Variants in VEPH1 observed in about 807,000 individuals in gnomAD.
The protein encoded by VEPH1 is ventricular zone expressed PH domain containing 1.
A neutral mutation model predicts 85.2 loss-of-function variants in VEPH1; 80 were observed. The ratio of observed to expected loss-of-function variants is 0.94; its 90% CI spans 0.78 to 1.13. The LOEUF (loss-of-function observed/expected upper bound fraction) is 1.13, where lower values mean the gene tolerates loss of function less well. Among genes scored for constraint, VEPH1 ranks in the 50% most tolerant of loss-of-function variants. The pLI is 0.00. For synonymous variants in VEPH1, 297 were observed against 348.0 expected, an observed-to-expected ratio of 0.85 and a Z score of 1.63; for missense variants, 955 against 980.5, an observed-to-expected ratio of 0.97 and a Z score of 0.35.
At chr3:157,379,474 A>G (rs983559171) in intron 7 of VEPH1, among the ~76,000 whole-genome samples, 1 of 152,212 alleles carries the variant, frequency 6.6e-6, no homozygotes, top group African/African-American at 2.4e-5. Context: ...GCTGCTGGTC[A>G]GTACATCCCT....
intron 9 of VEPH1, among the ~76,000 whole-genome samples, chr3:157,325,046 T>C (rs1721746999): frequency 6.6e-6 from 1 of 151,550 alleles, no homozygotes; most frequent in Admixed American, 6.6e-5. Flanking sequence ...TTGTGTGAGA[T>C]GGTATCTAAC....
At chr3:157,393,862 T>C (rs183557313) in intron 6 of VEPH1, among the ~76,000 whole-genome samples, 21 of 152,322 alleles carry the variant, frequency 1.4e-4, no homozygotes, top group African/African-American at 4.8e-4. Context: ...TCCTATTCTA[T>C]TGGAAGACTT....
chr3:157,449,649 G>T (rs1427807206), intron 4 of VEPH1, among the ~76,000 whole-genome samples: 1 of 152,044 alleles, frequency 6.6e-6, no homozygotes, highest in Admixed American at 6.6e-5. Context: ...CTCCTTCTGT[G>T]AAACTGTCTT....
rs1441555730 is a variant in VEPH1 at position 157,413,998 on chromosome 3, G to A, written c.789C>T (p.Val263=). The A allele has an allele frequency of 2.5e-6, 4 of 1,613,582 alleles. No individual in the cohort carries two copies. Among genetic ancestry groups the A allele is most frequent in the Non-Finnish European group, 3.4e-6 (4 of 1,179,726 alleles). ...IILNILIEIA[V]YEPVALNSFL... The stretch of plus-strand genomic sequence containing the variant: ...AACTGTTCAAAGCCACTGGCTCATA[G>A]ACTGCTATCTCTATGAGGATGTTTA... The change falls in exon 6 of 14, where the codon GTC becomes GTT. Residue 263 remains valine, a synonymous_variant. Coordinates refer to ENST00000362010, the MANE Select transcript of VEPH1 (RefSeq NM_001167912.2).
At chr3:157,464,525 G>A (rs1348957154) in intron 3 of VEPH1, among the ~76,000 whole-genome samples, 5 of 152,330 alleles carry the variant, frequency 3.3e-5, no homozygotes, top group East Asian at 3.9e-4. Flanking sequence ...TCATCTTACA[G>A]TTTGGTGCTG....
rs1246078269 is a variant in VEPH1, at chr3:157,364,303, C to CTG, written c.1335_1336dup (p.Arg446ThrfsTer38). Reference sequence around the variant, plus strand: ...AAAAAACAAACCAAACGAGTTATACCTGTTAAATCTAATGTTTTTTCTTTC... The same window carrying CTG: ...AAAAAACAAACCAAACGAGTTATACCTGTGTTAAATCTAATGTTTTTTCTTTC... On this transcript the variant is annotated frameshift_variant and splice_region_variant, in exon 8 of 14. Coordinates refer to ENST00000362010, the MANE Select transcript of VEPH1 (RefSeq NM_001167912.2). LOFTEE classifies it high-confidence loss of function. 14 of 1,602,468 alleles carry CTG rather than the reference C, an allele frequency of 8.7e-6. No individual in the cohort carries two copies. Among genetic ancestry groups the CTG allele is most frequent in the Non-Finnish European group, 1.2e-5 (14 of 1,172,702 alleles).
chr3:157,308,964 T>C (rs1310226462), intron 11 of VEPH1, among the ~76,000 whole-genome samples: 1 of 152,172 alleles, frequency 6.6e-6, no homozygotes, highest in Admixed American at 6.5e-5. Flanking sequence ...GTAAAGTTAA[T>C]TATTATTATT....
intron 6 of VEPH1, chr3:157,409,833 A>G (rs942103798): frequency 1.0e-6 from 1 of 985,242 alleles, no homozygotes; most frequent in Non-Finnish European, 1.2e-6. Flanking sequence ...CTCTACCCCC[A>G]TGGCCAAATT....
chr3:157,412,156 G>A (rs1486006698), intron 6 of VEPH1, among the ~76,000 whole-genome samples: 2 of 152,120 alleles, frequency 1.3e-5, no homozygotes, highest in African/African-American at 4.8e-5. Flanking sequence ...GCAGATGCCA[G>A]CATCATGCTT....
intron 11 of VEPH1, among the ~76,000 whole-genome samples, chr3:157,306,887 C>A (rs756661187): frequency 6.6e-6 from 1 of 151,974 alleles, no homozygotes; most frequent in Non-Finnish European, 1.5e-5. Context: ...TTATACCACT[C>A]TGTACGCCTT....
At chr3:157,389,001 TA>T (rs1384105598) in intron 6 of VEPH1, among the ~76,000 whole-genome samples, 1 of 152,174 alleles carries the variant, frequency 6.6e-6, no homozygotes, top group East Asian at 1.9e-4. Flanking sequence ...CTATGTTCCA[TA>T]AAATTACAAC....
chr3:157,312,506 A>G (rs1435296992), intron 11 of VEPH1, among the ~76,000 whole-genome samples: 3 of 152,188 alleles, frequency 2.0e-5, no homozygotes, highest in African/African-American at 7.2e-5. Flanking sequence ...AGTTAGCCAT[A>G]TAAACAGCTT....
intron 2 of VEPH1, 121 bp downstream of exon 2, chr3:157,495,091 A>G (rs1484932831): frequency 9.8e-7 from 1 of 1,019,158 alleles, no homozygotes; most frequent in African/African-American, 1.6e-5. Flanking sequence ...AGATTAAGAG[A>G]GACCAATATT....
At chr3:157,377,765 C>A (rs1728290348) in intron 7 of VEPH1, among the ~76,000 whole-genome samples, 1 of 152,200 alleles carries the variant, frequency 6.6e-6, no homozygotes, top group Non-Finnish European at 1.5e-5. Context: ...CCATGCCGAA[C>A]TGTGAGTTAA....
At chr3:157,460,106 A>G in intron 4 of VEPH1, 75 bp downstream of exon 4, 1 of 1,613,278 alleles carries the variant, frequency 6.2e-7, no homozygotes. Flanking sequence ...GCTTCCCACA[A>G]ACCATAAATG....
At chr3:157,368,104 A>C (rs1373802579) in intron 7 of VEPH1, among the ~76,000 whole-genome samples, 4 of 152,164 alleles carry the variant, frequency 2.6e-5, no homozygotes, top group Non-Finnish European at 5.9e-5. Flanking sequence ...TACTTAACTC[A>C]CGGGGTTGGT....
chr3:157,326,915 C>T (rs1459626386), intron 9 of VEPH1, among the ~76,000 whole-genome samples: 2 of 152,240 alleles, frequency 1.3e-5, no homozygotes, highest in Admixed American at 6.5e-5. Flanking sequence ...TTCATGGTCA[C>T]TCTTTCCTCT....
At chr3:157,474,813 C>G (rs931237350) in intron 2 of VEPH1, among the ~76,000 whole-genome samples, 1 of 146,558 alleles carries the variant, frequency 6.8e-6, no homozygotes, top group Non-Finnish European at 1.5e-5. Context: ...GTTAATTTGG[C>G]ATGGTGTTAA....
intron 11 of VEPH1, among the ~76,000 whole-genome samples, chr3:157,294,764 T>G (rs1450903367): frequency 6.6e-6 from 1 of 152,198 alleles, no homozygotes; most frequent in African/African-American, 2.4e-5. Flanking sequence ...TTTGAACAAA[T>G]TTTACTGAAA....
Sources: allele counts gnomAD v4.1 joint callset (sites outside exome capture counted in the v4.1 genomes callset), GRCh38; gene constraint gnomAD v4.1.1; transcripts MANE v1.5; gene names NCBI Gene and HGNC (gene_info 2026-07-23, HGNC 2026-07-21).